CENPP: variants seen among roughly 807,000 people sequenced by gnomAD.
CENPP encodes centromere protein P.
CENPP carries 24 observed loss-of-function variants against 35.6 expected under a neutral mutation model. That is an observed-to-expected ratio of 0.67 (90% CI 0.49 to 0.95). The LOEUF (loss-of-function observed/expected upper bound fraction) is 0.95, where lower values mean the gene tolerates loss of function less well. Ranked by LOEUF, CENPP falls within the 40% of genes least tolerant of loss-of-function variation. The pLI is 0.00. For synonymous variants in CENPP, 120 were observed against 125.5 expected, an observed-to-expected ratio of 0.96 and a Z score of 0.29; for missense variants, 332 against 345.3, an observed-to-expected ratio of 0.96 and a Z score of 0.31.
At chr9:92,348,651 C>G (rs141736748) in intron 4 of CENPP, among the ~76,000 whole-genome samples, 3,588 of 152,296 alleles carry the variant, frequency 0.024, 90 homozygotes, top group South Asian at 0.12. Context: ...CTTGGCCTCC[C>G]AAAGTGCTGG....
chr9:92,415,195 G>T, intron 5 of CENPP: 1 of 1,613,442 alleles, frequency 6.2e-7, no homozygotes, highest in African/African-American at 1.3e-5. Context: ...GTGCCCTTCT[G>T]CTCCTTCTTG....
chr9:92,370,369 T>C (rs1460397731), intron 4 of CENPP, among the ~76,000 whole-genome samples: 2 of 152,196 alleles, frequency 1.3e-5, no homozygotes, highest in Non-Finnish European at 2.9e-5. Flanking sequence ...TCTTTGATGA[T>C]TTAGGAATAG....
chr9:92,598,587 T>G (rs1432560941), intron 5 of CENPP, among the ~76,000 whole-genome samples: 1 of 152,062 alleles, frequency 6.6e-6, no homozygotes, highest in Admixed American at 6.6e-5. Flanking sequence ...TGGAACAAGG[T>G]CAGGAGGCAG....
At chr9:92,397,626 G>A (rs1472533104) in intron 5 of CENPP, among the ~76,000 whole-genome samples, 1 of 152,082 alleles carries the variant, frequency 6.6e-6, no homozygotes, top group Admixed American at 6.6e-5. Context: ...CACCACACCC[G>A]GCCAGCATTG....
chr9:92,415,551 A>AT, intron 5 of CENPP: 2 of 772,068 alleles, frequency 2.6e-6, no homozygotes, highest in Admixed American at 3.6e-5. Context: ...TCTATGTTAG[A>AT]TTTTATATTG....
At chr9:92,382,187 G>C (rs558120386) in intron 5 of CENPP, among the ~76,000 whole-genome samples, 17 of 151,848 alleles carry the variant, frequency 1.1e-4, no homozygotes, top group African/African-American at 4.1e-4. Context: ...ACTCTTGATA[G>C]TGTCCTTTGA....
intron 5 of CENPP, among the ~76,000 whole-genome samples, chr9:92,482,829 C>T (rs767112829): frequency 6.6e-6 from 1 of 152,046 alleles, no homozygotes; most frequent in Non-Finnish European, 1.5e-5. Context: ...TATACCCAAA[C>T]TTCAGATGTA....
At chr9:92,410,443 T>C (rs1189863863) in intron 5 of CENPP, among the ~76,000 whole-genome samples, 1 of 152,150 alleles carries the variant, frequency 6.6e-6, no homozygotes, top group African/African-American at 2.4e-5. Flanking sequence ...GACCACACTC[T>C]GGGGCAGGGA....
At chr9:92,479,130 A>G (rs1000208110) in intron 5 of CENPP, among the ~76,000 whole-genome samples, 2 of 152,164 alleles carry the variant, frequency 1.3e-5, no homozygotes, top group Non-Finnish European at 2.9e-5. Context: ...AGTTGAGAGG[A>G]GAAGGAGAAG....
chr9:92,329,069 T>C (rs1840655770), intron 1 of CENPP, among the ~76,000 whole-genome samples: 1 of 152,212 alleles, frequency 6.6e-6, no homozygotes, highest in South Asian at 2.1e-4. Context: ...CAGCCTTTAA[T>C]GATGACTTGG....
intron 5 of CENPP, among the ~76,000 whole-genome samples, chr9:92,499,798 G>C (rs1294629436): frequency 6.6e-6 from 1 of 152,160 alleles, no homozygotes; most frequent in African/African-American, 2.4e-5. Flanking sequence ...GAAAGACTAA[G>C]AGGCATAATT....
At chr9:92,611,771 C>T (rs770966770) in intron 6 of CENPP, among the ~76,000 whole-genome samples, 11 of 152,188 alleles carry the variant, frequency 7.2e-5, no homozygotes, top group Non-Finnish European at 1.2e-4. Flanking sequence ...GCTTAGTGCC[C>T]TGATAGCACA....
At chr9:92,499,424 C>A (rs1564355544) in intron 5 of CENPP, among the ~76,000 whole-genome samples, 1 of 152,070 alleles carries the variant, frequency 6.6e-6, no homozygotes, top group African/African-American at 2.4e-5. Context: ...AATAGAAATT[C>A]ATCATTTTGT....
chr9:92,405,455 C>A (rs1230194426), intron 5 of CENPP, among the ~76,000 whole-genome samples: 1 of 151,910 alleles, frequency 6.6e-6, no homozygotes, highest in African/African-American at 2.4e-5. Flanking sequence ...TGTTTTAGAA[C>A]CTTTCAAATC....
At chr9:92,550,241 A>G (rs1371354474) in intron 5 of CENPP, among the ~76,000 whole-genome samples, 2 of 152,048 alleles carry the variant, frequency 1.3e-5, no homozygotes, top group African/African-American at 2.4e-5. Flanking sequence ...ACTAAAATAC[A>G]CAAAATTAGC....
intron 5 of CENPP, among the ~76,000 whole-genome samples, chr9:92,489,243 T>C (rs922968346): frequency 6.6e-6 from 1 of 152,224 alleles, no homozygotes; most frequent in African/African-American, 2.4e-5. Context: ...CAGTAGATTT[T>C]CCTCTGAAAA....
At chr9:92,516,879 C>G (rs1847759658) in intron 5 of CENPP, 1 of 152,200 alleles carries the variant, frequency 6.6e-6, no homozygotes, top group Non-Finnish European at 1.5e-5. Flanking sequence ...TAGACACCTA[C>G]CCTGTGATCA....
intron 5 of CENPP, chr9:92,502,693 A>C (rs750664615): frequency 6.9e-6 from 10 of 1,449,448 alleles, no homozygotes; most frequent in South Asian, 1.3e-5. Context: ...CTTTTGTGTT[A>C]GTTGATACGT....
At chr9:92,523,915 T>C (rs1490690759) in intron 5 of CENPP, among the ~76,000 whole-genome samples, 1 of 152,228 alleles carries the variant, frequency 6.6e-6, no homozygotes, top group Non-Finnish European at 1.5e-5. Context: ...CCCATATTTT[T>C]ATGGCCAGTT....
Sources: gnomAD v4.1 joint callset for allele counts (sites outside exome capture counted in the v4.1 genomes callset) on GRCh38, gnomAD v4.1.1 for gene constraint, MANE v1.5 for transcripts, NCBI Gene and HGNC (gene_info 2026-07-23, HGNC 2026-07-21) for gene names.